The following NSUN6 variants were observed in gnomAD, a reference collection of about 807,000 sequenced individuals.
NSUN6 encodes tRNA (cytosine(72)-C(5))-methyltransferase NSUN6.
In NSUN6, 64 loss-of-function variants were observed where a neutral mutation model predicts 58.0. The ratio of observed to expected loss-of-function variants is 1.10; its 90% CI spans 0.90 to 1.36. The LOEUF (loss-of-function observed/expected upper bound fraction) is 1.36, where lower values mean the gene tolerates loss of function less well. NSUN6 is among the 40% of genes most tolerant of loss of function. NSUN6 has a pLI of 0.00. For missense variants in NSUN6, 701 were observed against 550.1 expected (o/e 1.27, Z -2.74); for synonymous variants, 231 against 193.9 (o/e 1.19, Z -1.59).
intron 6 of NSUN6, among the ~76,000 whole-genome samples, chr10:18,601,277 G>C (rs1480530613): frequency 6.6e-6 from 1 of 151,800 alleles, no homozygotes; most frequent in Admixed American, 6.6e-5. Flanking sequence ...CTTTTTCCCT[G>C]TATTTTAGAA....
At chr10:18,628,611 G>C (rs12250603) in intron 3 of NSUN6, among the ~76,000 whole-genome samples, 2 of 152,196 alleles carry the variant, frequency 1.3e-5, no homozygotes. Context: ...GAAGAATGTA[G>C]AAGCCTCAGG....
intron 3 of NSUN6, among the ~76,000 whole-genome samples, chr10:18,630,031 G>A (rs966377512): frequency 6.7e-6 from 1 of 148,556 alleles, no homozygotes; most frequent in Non-Finnish European, 1.5e-5. Context: ...AAATGTAAAA[G>A]AACAGAAATT....
At chr10:18,618,550 C>T (rs552264195) in intron 3 of NSUN6, among the ~76,000 whole-genome samples, 57 of 151,992 alleles carry the variant, frequency 3.8e-4, no homozygotes, top group African/African-American at 9.9e-4. Context: ...GGCATGGTGG[C>T]GCATGCCTGT....
intron 6 of NSUN6, among the ~76,000 whole-genome samples, chr10:18,600,379 C>T (rs1317338576): frequency 1.3e-5 from 2 of 152,172 alleles, no homozygotes; most frequent in African/African-American, 4.8e-5. Flanking sequence ...AATCCCAGCA[C>T]TTTCAGAGGC....
At chr10:18,629,993 C>T (rs1372370557) in intron 3 of NSUN6, among the ~76,000 whole-genome samples, 1 of 150,646 alleles carries the variant, frequency 6.6e-6, no homozygotes, top group Non-Finnish European at 1.5e-5. Flanking sequence ...AAATTGACCA[C>T]ATACTTGGAA....
upstream of NSUN6, among the ~76,000 whole-genome samples, chr10:18,657,698 C>G (rs535318459): frequency 6.6e-6 from 1 of 152,140 alleles, no homozygotes; most frequent in African/African-American, 2.4e-5. Flanking sequence ...CCTGCAACCT[C>G]TGCCTCCCAG....
chr10:18,565,784 C>A (rs1165008911), intron 8 of NSUN6, among the ~76,000 whole-genome samples: 1 of 150,540 alleles, frequency 6.6e-6, no homozygotes, highest in African/African-American at 2.4e-5. Flanking sequence ...CCTTTCATTC[C>A]ATTCTCCACT....
intron 3 of NSUN6, among the ~76,000 whole-genome samples, chr10:18,625,200 G>C (rs372079644): frequency 6.6e-6 from 1 of 152,122 alleles, no homozygotes; most frequent in Admixed American, 6.5e-5. Flanking sequence ...CATAGCCATT[G>C]GTGTGACCGT....
At chr10:18,590,516 C>T (rs969626821) in intron 7 of NSUN6, among the ~76,000 whole-genome samples, 5 of 152,218 alleles carry the variant, frequency 3.3e-5, no homozygotes, top group Non-Finnish European at 5.9e-5. Flanking sequence ...GTAAAACACT[C>T]CTCAGCAAAT....
chr10:18,637,477 A>G (rs1452528286), intron 3 of NSUN6, among the ~76,000 whole-genome samples: 1 of 152,246 alleles, frequency 6.6e-6, no homozygotes, highest in African/African-American at 2.4e-5. Context: ...TATATTTTAG[A>G]GAACTAAAAT....
rs550990113 is a variant in NSUN6, at chr10:18,642,212, A to G, written c.311+264T>C. Among the ~76,000 whole-genome samples the G allele has an allele frequency of 1.1e-3, 172 of 150,630 alleles. 2 individuals carry two copies. Among genetic ancestry groups the G allele is most frequent in the African/African-American group, 3.9e-3 (161 of 41,348 alleles). On this transcript the variant is annotated intron_variant, in intron 3 of 10. Coordinates refer to ENST00000377304, the MANE Select transcript of NSUN6 (RefSeq NM_182543.5). ...AAACAAATGAAATAAAACTTCACAG[A>G]AAGTGGGGGGGGGAAAACATCACTG...
chr10:18,652,804 A>T (rs1313597216), upstream of NSUN6: 1 of 644,140 alleles, frequency 1.6e-6, no homozygotes, highest in Non-Finnish European at 1.9e-6. Context: ...AACTGATCTG[A>T]CTCTCTAGCC....
intron 7 of NSUN6, 73 bp downstream of exon 7, chr10:18,596,135 C>G (rs1564776823): frequency 1.8e-5 from 24 of 1,297,824 alleles, no homozygotes; most frequent in Non-Finnish European, 2.5e-5. Flanking sequence ...GTGAATGGCT[C>G]TATGTTTCAG....
chr10:18,627,565 G>A (rs567511260), intron 3 of NSUN6, among the ~76,000 whole-genome samples: 54 of 152,194 alleles, frequency 3.5e-4, no homozygotes, highest in African/African-American at 5.1e-4. Flanking sequence ...CACCGTGCCC[G>A]AGCCAAAGCA....
chr10:18,569,365 C>T (rs1006493356), intron 8 of NSUN6, among the ~76,000 whole-genome samples: 7 of 151,414 alleles, frequency 4.6e-5, no homozygotes, highest in African/African-American at 1.7e-4. Context: ...ATTGCATTCT[C>T]CATTCCATTC....
chr10:18,646,576 G>A (rs1239538952), intron 2 of NSUN6, among the ~76,000 whole-genome samples: 1 of 152,150 alleles, frequency 6.6e-6, no homozygotes, highest in South Asian at 2.1e-4. Context: ...CAGGCACAAG[G>A]CCTCACGCCT....
At chr10:18,657,347 T>C (rs939854601), upstream of NSUN6, among the ~76,000 whole-genome samples, 36 of 152,180 alleles carry the variant, frequency 2.4e-4, no homozygotes, top group Admixed American at 2.1e-3. Context: ...AACAGTCTCA[T>C]TGTCAGGTAA....
At chr10:18,573,635 C>G (rs1302560969) in intron 8 of NSUN6, among the ~76,000 whole-genome samples, 1 of 152,112 alleles carries the variant, frequency 6.6e-6, no homozygotes, top group East Asian at 1.9e-4. Context: ...ATGACCTTCT[C>G]AAATCTGATG....
At chr10:18,611,723 GGTGTGTGTGTGTGTGT>G (rs10579235) in intron 5 of NSUN6, among the ~76,000 whole-genome samples, 1 of 148,880 alleles carries the variant, frequency 6.7e-6, no homozygotes, top group African/African-American at 2.5e-5. Flanking sequence ...GTCTCACTAT[GGTGTGTGTGTGTGTGT>G]GTGTGTGTGT....
Sources: gnomAD v4.1 joint callset for allele counts (sites outside exome capture counted in the v4.1 genomes callset) on GRCh38, gnomAD v4.1.1 for gene constraint, MANE v1.5 for transcripts, NCBI Gene and HGNC (gene_info 2026-07-23, HGNC 2026-07-21) for gene names.